Variants in CNTNAP5 observed in about 807,000 individuals in gnomAD.
CNTNAP5 encodes contactin-associated protein-like 5.
In CNTNAP5, 72 loss-of-function variants were observed where a neutral mutation model predicts 150.2. The observed-to-expected ratio is 0.48, with a 90% CI of 0.40 to 0.58. The LOEUF is 0.58. Among genes scored for constraint, CNTNAP5 ranks in the 20% least tolerant of loss-of-function variants. The pLI, the probability that CNTNAP5 is intolerant of heterozygous loss-of-function variation, is 0.00. For synonymous variants in CNTNAP5, 672 were observed against 619.8 expected (o/e 1.08, Z -1.25); for missense variants, 1,636 against 1,626.2 (o/e 1.01, Z -0.10).
chr2:124,491,629 T>C (rs1489128945), intron 7 of CNTNAP5, among the ~76,000 whole-genome samples: 1 of 152,158 alleles, frequency 6.6e-6, no homozygotes, highest in Non-Finnish European at 1.5e-5. Flanking sequence ...ATTGCTAATA[T>C]GGCAGATCTA....
At chr2:124,349,175 T>C (rs1689810269) in intron 3 of CNTNAP5, among the ~76,000 whole-genome samples, 1 of 53,414 alleles carries the variant, frequency 1.9e-5, no homozygotes, top group Non-Finnish European at 3.6e-5. Context: ...CATCATAGAG[T>C]GTACTTTCAC....
intron 1 of CNTNAP5, among the ~76,000 whole-genome samples, chr2:124,220,563 T>C (rs1388824020): frequency 6.6e-6 from 1 of 152,156 alleles, no homozygotes; most frequent in Non-Finnish European, 1.5e-5. Flanking sequence ...TCTTAGACCA[T>C]TTTGTATTGC....
At chr2:124,432,902 C>T (rs1327532897) in intron 4 of CNTNAP5, among the ~76,000 whole-genome samples, 3 of 152,184 alleles carry the variant, frequency 2.0e-5, no homozygotes, top group African/African-American at 7.2e-5. Context: ...TAATACCTCT[C>T]CTATCTATTA....
At chr2:124,170,334 G>A (rs889276046) in intron 1 of CNTNAP5, among the ~76,000 whole-genome samples, 1 of 151,956 alleles carries the variant, frequency 6.6e-6, no homozygotes, top group Non-Finnish European at 1.5e-5. Flanking sequence ...TTCTTTCTGA[G>A]AGTTACCTTG....
chr2:124,560,180 C>A (rs1254856147), intron 10 of CNTNAP5, among the ~76,000 whole-genome samples: 2 of 152,050 alleles, frequency 1.3e-5, no homozygotes, highest in Non-Finnish European at 2.9e-5. Context: ...CCCAACATGC[C>A]GAAGTAGATT....
intron 18 of CNTNAP5, 109 bp from the exon 19 acceptor site, chr2:124,797,987 T>A (rs1256871484): frequency 1.4e-6 from 1 of 692,162 alleles, no homozygotes; most frequent in African/African-American, 1.8e-5. Flanking sequence ...ATGCATGTAT[T>A]ACTCCTCACA....
intron 1 of CNTNAP5, among the ~76,000 whole-genome samples, chr2:124,099,559 G>A (rs981198045): frequency 3.9e-5 from 6 of 152,120 alleles, no homozygotes; most frequent in Non-Finnish European, 8.8e-5. Context: ...TAACCTACGA[G>A]TTTGAGATTA....
chr2:124,633,421 C>A (rs540393637), intron 12 of CNTNAP5, among the ~76,000 whole-genome samples: 3 of 152,336 alleles, frequency 2.0e-5, no homozygotes, highest in East Asian at 1.9e-4. Flanking sequence ...CCTTAAAGCT[C>A]CAAAATAATC....
rs1163283286 is a variant in CNTNAP5, at chr2:124,319,689, A to G, written c.381+77296A>G. On this transcript the variant is annotated intron_variant, in intron 3 of 23. Transcript: ENST00000682447. ...GAGCCAGATAATTCTTCGTGGGGGC[A>G]AGCTGGTATATTGCAGGACATTTCA... is the stretch of plus-strand genomic sequence containing the variant. Among the ~76,000 whole-genome samples, 3 of 152,310 alleles carry G rather than the reference A, an allele frequency of 2.0e-5. No homozygotes were observed. In the East Asian group the frequency reaches 5.8e-4, roughly 29 times the overall value.
intron 7 of CNTNAP5, among the ~76,000 whole-genome samples, chr2:124,495,432 G>A (rs920760841): frequency 2.6e-5 from 4 of 152,194 alleles, no homozygotes; most frequent in Non-Finnish European, 4.4e-5. Context: ...AAGAAGCAAA[G>A]ACAAGAGACC....
intron 3 of CNTNAP5, among the ~76,000 whole-genome samples, chr2:124,339,808 G>A (rs1689565543): frequency 6.6e-6 from 1 of 152,104 alleles, no homozygotes; most frequent in Admixed American, 6.6e-5. Context: ...GAGGGAATGG[G>A]TGATGCCGAT....
At chr2:124,773,981 G>T in intron 17 of CNTNAP5, among the ~76,000 whole-genome samples, 1 of 148,500 alleles carries the variant, frequency 6.7e-6, no homozygotes. Context: ...ACTAATACAG[G>T]GTGAGCCTTA....
intron 1 of CNTNAP5, among the ~76,000 whole-genome samples, chr2:124,165,442 G>A (rs764872694): frequency 2.6e-5 from 4 of 152,074 alleles, no homozygotes; most frequent in Non-Finnish European, 1.5e-5. Flanking sequence ...TCTTTGCCAC[G>A]GTTTCTCCTT....
intron 6 of CNTNAP5, 72 bp downstream of exon 6, chr2:124,447,009 A>C: frequency 7.0e-7 from 1 of 1,428,728 alleles, no homozygotes; most frequent in Non-Finnish European, 9.7e-7. Context: ...ATCAGTGAGC[A>C]GACCAACTGA....
rs187465829 is a variant in CNTNAP5, at chr2:124,612,664, G to A, written c.1876+2744G>A. On this transcript the variant is annotated intron_variant, in intron 12 of 23. Transcript: ENST00000682447. ...TGTCCCGAGTTGATCAGCTTGATGC[G>A]TATGGTGGGGTATTTATTTTGAATA... 1.1e-3 allele frequency among the ~76,000 whole-genome samples: 173 copies of A among 152,252 alleles called. 1 individual carries two copies. The highest frequency in any genetic ancestry group is 7.1e-4 in the Non-Finnish European group (48 of 68,024).
chr2:124,869,095 G>C (rs985458600), intron 20 of CNTNAP5, among the ~76,000 whole-genome samples: 1 of 152,166 alleles, frequency 6.6e-6, no homozygotes, highest in Non-Finnish European at 1.5e-5. Context: ...ACCCCTGCAA[G>C]ATGGGATTAT....
At chr2:124,429,048 C>CA (rs772842941) in intron 4 of CNTNAP5, among the ~76,000 whole-genome samples, 1 of 152,126 alleles carries the variant, frequency 6.6e-6, no homozygotes, top group Non-Finnish European at 1.5e-5. Context: ...AACCAGACCC[C>CA]ATGCAGCAAA....
At chr2:124,452,626 C>T (rs1006637700) in intron 6 of CNTNAP5, among the ~76,000 whole-genome samples, 2 of 152,176 alleles carry the variant, frequency 1.3e-5, no homozygotes, top group African/African-American at 2.4e-5. Flanking sequence ...GCTGCAGATC[C>T]TCACAGAGTC....
At chr2:124,883,675 C>T (rs531170131) in intron 21 of CNTNAP5, among the ~76,000 whole-genome samples, 2 of 152,046 alleles carry the variant, frequency 1.3e-5, no homozygotes, top group South Asian at 4.1e-4. Context: ...TGTATGTTTG[C>T]ATTTGTCCAT....
Sources: allele counts gnomAD v4.1 joint callset (sites outside exome capture counted in the v4.1 genomes callset), GRCh38; gene constraint gnomAD v4.1.1; transcripts MANE v1.5; gene names NCBI Gene and HGNC (gene_info 2026-07-23, HGNC 2026-07-21).